KCNC4: variants seen among roughly 807,000 people sequenced by gnomAD.
KCNC4 encodes voltage-gated potassium channel KCNC4.
KCNC4 carries 23 observed loss-of-function variants against 42.8 expected under a neutral mutation model. The ratio of observed to expected loss-of-function variants is 0.54; its 90% CI spans 0.39 to 0.76. KCNC4 has a LOEUF of 0.76. Among genes scored for constraint, KCNC4 ranks in the 30% least tolerant of loss-of-function variants. The pLI is 0.00. For synonymous variants in KCNC4, 422 were observed against 393.5 expected (o/e 1.07, Z -0.86); for missense variants, 751 against 898.2 (o/e 0.84, Z 2.10).
At chr1:110,247,555 CTTTTT>C (rs772775867) in exon 4 of KCNC4, 1 of 52,130 alleles carries the variant, frequency 1.9e-5, no homozygotes, top group Non-Finnish European at 4.2e-5. Flanking sequence ...TTTCTTTTTT[CTTTTT>C]TTTTTTTTTT....
rs147306548 is a variant in KCNC4, at chr1:110,223,089, C to T, written c.804C>T (p.Ser268=). 38 of 1,614,200 alleles carry T rather than the reference C, an allele frequency of 2.4e-5. No individual in the cohort carries two copies. The East Asian group carries it at 4.9e-4, about 21-fold the overall frequency. Residue 268 remains serine (S), a synonymous_variant, in exon 2 of 4, where the codon AGC becomes AGT. Coordinates refer to ENST00000438661, the MANE Select transcript of KCNC4 (RefSeq NM_001039574.3). This position sits in a 1 kb window ranked among gnomAD's most constrained non-coding sequence, Gnocchi z 7.5. ...TCCTCCGCGTAGGGAACATCACCAGCGTGCACTTCCGGCGGGAGGTAGAGA... is the reference window on the plus strand; with the variant it reads ...TCCTCCGCGTAGGGAACATCACCAGTGTGCACTTCCGGCGGGAGGTAGAGA... ...TEILRVGNIT[S]VHFRREVETE... is the part of the protein sequence containing the mutation.
At chr1:110,225,626 A>G (rs1201623332) in intron 2 of KCNC4, 1 of 214,756 alleles carries the variant, frequency 4.7e-6, no homozygotes, top group Non-Finnish European at 9.3e-6. Flanking sequence ...AGCCTGAGCC[A>G]GACCCAAGGA....
At chr1:110,254,466 T>G (rs1015954357) in intron 1 of KCNC4, among the ~76,000 whole-genome samples, 11 of 152,184 alleles carry the variant, frequency 7.2e-5, no homozygotes, top group African/African-American at 2.7e-4. Context: ...CATTTTCCAT[T>G]TCTCCATCTT....
At chr1:110,260,906 G>A (rs1299157713) in intron 1 of KCNC4, among the ~76,000 whole-genome samples, 2 of 152,166 alleles carry the variant, frequency 1.3e-5, no homozygotes, top group African/African-American at 4.8e-5. Flanking sequence ...CTCCAGCCTG[G>A]GTGACGCAGC....
chr1:110,244,511 GC>G (rs1659101438), exon 4 of KCNC4: 1 of 152,284 alleles, frequency 6.6e-6, no homozygotes, highest in Admixed American at 6.5e-5. Context: ...AGGTGCCCAG[GC>G]CACCTGAGGT....
intron 3 of KCNC4, chr1:110,232,523 C>T (rs1268426502): frequency 1.4e-6 from 2 of 1,435,732 alleles, no homozygotes; most frequent in South Asian, 1.5e-5. Flanking sequence ...GAGCTATGGT[C>T]CCTTTCTCCA....
chr1:110,225,227 T>TG (rs1389941520), intron 2 of KCNC4: 1 of 152,284 alleles, frequency 6.6e-6, no homozygotes, highest in Non-Finnish European at 1.5e-5. Context: ...AGCCTGACCC[T>TG]GAGAGCAGCC....
intron 1 of KCNC4, among the ~76,000 whole-genome samples, chr1:110,279,421 T>C (rs12042261): frequency 0.29 from 44,105 of 152,046 alleles, 6,842 homozygotes; most frequent in Admixed American, 0.42. Flanking sequence ...CTTGTCTGTC[T>C]CCAGTATACA....
rs1156691105 is a variant in KCNC4, at chr1:110,210,401, CT to C, written c.-1098del. On this transcript the variant is annotated 5_prime_UTR_variant, in exon 1 of 4. Transcript: ENST00000438661. ...CACCGGCGCCGAGGCGCCCCCTCCC[CT>C]ATGCCACCTCGCGCCCGCCCCCTGC... Among the ~76,000 whole-genome samples, 3 of 151,712 alleles carry C rather than the reference CT, an allele frequency of 2.0e-5. No homozygotes were observed. The highest frequency in any genetic ancestry group is 2.9e-5 in the Non-Finnish European group (2 of 67,866).
At chr1:110,260,002 C>T (rs960460284) in intron 1 of KCNC4, among the ~76,000 whole-genome samples, 9 of 152,196 alleles carry the variant, frequency 5.9e-5, no homozygotes, top group South Asian at 4.1e-4. Context: ...CCCAGCAGAA[C>T]GCCCAGCAGG....
At chr1:110,276,817 TATC>T (rs753752230) in intron 1 of KCNC4, among the ~76,000 whole-genome samples, 50 of 152,140 alleles carry the variant, frequency 3.3e-4, no homozygotes, top group Non-Finnish European at 6.3e-4. Context: ...GGAATAGTGT[TATC>T]ATGTCACCAA....
intron 3 of KCNC4, among the ~76,000 whole-genome samples, chr1:110,226,647 A>G (rs1265440596): frequency 6.6e-6 from 1 of 152,134 alleles, no homozygotes; most frequent in Non-Finnish European, 1.5e-5. Context: ...GCATCCTCCC[A>G]TCCTGCGCCA....
In KCNC4 at chr1:110,223,236, C is replaced by T. The variant is rs778133211; in HGVS notation, c.951C>T (p.Ile317=). 14 of 1,614,114 alleles carry T rather than the reference C, an allele frequency of 8.7e-6. No individual in the cohort carries two copies. The highest frequency in any genetic ancestry group is 3.3e-5 in the Admixed American group (2 of 60,008). ...LDFVKNLLNI[I]DFVAILPFYL... is the part of the protein sequence containing the mutation. ...TCGTCAAGAACCTGCTCAACATCAT[C>T]GACTTTGTGGCCATCCTGCCCTTCT... Residue 317 remains isoleucine (I), a synonymous_variant, in exon 2 of 4, where the codon ATC becomes ATT. Coordinates refer to ENST00000438661, the MANE Select transcript of KCNC4 (RefSeq NM_001039574.3). This position sits in a 1 kb window ranked among gnomAD's most constrained non-coding sequence, Gnocchi z 7.5.
intron 1 of KCNC4, among the ~76,000 whole-genome samples, chr1:110,264,768 G>C (rs1659508912): frequency 6.6e-6 from 1 of 152,138 alleles, no homozygotes; most frequent in African/African-American, 2.4e-5. Flanking sequence ...CTCGTCTCTG[G>C]AGAAGGAGGG....
chr1:110,281,728 G>A (rs1006521129), intron 1 of KCNC4, among the ~76,000 whole-genome samples: 1 of 152,074 alleles, frequency 6.6e-6, no homozygotes, highest in African/African-American at 2.4e-5. Flanking sequence ...GAATCTCTCC[G>A]GCCCAGCCTG....
intron 1 of KCNC4, among the ~76,000 whole-genome samples, chr1:110,255,673 G>A (rs1182854526): frequency 2.0e-5 from 3 of 152,162 alleles, no homozygotes; most frequent in Non-Finnish European, 4.4e-5. Context: ...CAGGACAACC[G>A]AACTTCCTCT....
At chr1:110,213,762 T>C (rs1218348353) in intron 1 of KCNC4, among the ~76,000 whole-genome samples, 1 of 152,210 alleles carries the variant, frequency 6.6e-6, no homozygotes, top group Non-Finnish European at 1.5e-5. Context: ...AGACTTCTCA[T>C]GTAGGTCACT....
At chr1:110,257,258 A>G (rs939181362) in intron 1 of KCNC4, among the ~76,000 whole-genome samples, 10 of 152,342 alleles carry the variant, frequency 6.6e-5, no homozygotes, top group Non-Finnish European at 1.0e-4. Context: ...TGAATTACAC[A>G]ATTTGTACAG....
intron 1 of KCNC4, among the ~76,000 whole-genome samples, chr1:110,280,487 G>GAAAC (rs1205426581): frequency 2.6e-5 from 4 of 151,642 alleles, no homozygotes; most frequent in African/African-American, 9.7e-5. Flanking sequence ...GCCTGGATAG[G>GAAAC]AAACAGGTCC....
Sources: allele counts gnomAD v4.1 joint callset (sites outside exome capture counted in the v4.1 genomes callset), GRCh38; gene constraint gnomAD v4.1.1; non-coding constraint Gnocchi (gnomAD v3.1); transcripts MANE v1.5; gene names NCBI Gene and HGNC (gene_info 2026-07-23, HGNC 2026-07-21).